The following CNTN5 variants were observed in gnomAD, a reference collection of about 807,000 sequenced individuals.
The protein encoded by CNTN5 is contactin-5.
A neutral mutation model predicts 129.1 loss-of-function variants in CNTN5; 77 were observed. That is an observed-to-expected ratio of 0.60 (90% CI 0.50 to 0.72). The LOEUF is 0.72. Ranked by LOEUF, CNTN5 falls within the 30% of genes least tolerant of loss-of-function variation. The probability of loss-of-function intolerance (pLI) is 0.00; values close to 1 mark genes in which losing one functional copy is unlikely to be tolerated. For missense variants in CNTN5, 1,478 were observed against 1,328.8 expected, an observed-to-expected ratio of 1.11 and a Z score of -1.75; for synonymous variants, 509 against 465.6, an observed-to-expected ratio of 1.09 and a Z score of -1.20.
At chr11:100,106,631 TG>T (rs1945442312) in intron 13 of CNTN5, among the ~76,000 whole-genome samples, 1 of 151,810 alleles carries the variant, frequency 6.6e-6, no homozygotes, top group Admixed American at 6.6e-5. Flanking sequence ...ATTATATAAA[TG>T]AAAAAAATAG....
chr11:99,598,287 T>TCCC (rs1565335421), intron 3 of CNTN5, among the ~76,000 whole-genome samples: 65 of 6,636 alleles, frequency 9.8e-3, no homozygotes, highest in Non-Finnish European at 0.012. Context: ...TTCTTTTCTT[T>TCCC]TCTTTTCTTT....
intron 3 of CNTN5, among the ~76,000 whole-genome samples, chr11:99,740,559 G>T (rs1943856820): frequency 6.6e-6 from 1 of 152,170 alleles, no homozygotes; most frequent in African/African-American, 2.4e-5. Flanking sequence ...CTCCTAGGGA[G>T]ATTTGAATGA....
intron 9 of CNTN5, among the ~76,000 whole-genome samples, chr11:100,053,441 T>G (rs1489539621): frequency 6.6e-6 from 1 of 151,632 alleles, no homozygotes; most frequent in African/African-American, 2.4e-5. Context: ...AAGATTTGAG[T>G]ATGCGAATGG....
chr11:99,241,031 C>A (rs1861522071), intron 1 of CNTN5, among the ~76,000 whole-genome samples: 1 of 152,118 alleles, frequency 6.6e-6, no homozygotes, highest in South Asian at 2.1e-4. Context: ...TAAATACACA[C>A]AATTCGAGAT....
At chr11:99,355,300 A>G (rs1341692802) in intron 2 of CNTN5, among the ~76,000 whole-genome samples, 1 of 152,210 alleles carries the variant, frequency 6.6e-6, no homozygotes, top group Non-Finnish European at 1.5e-5. Flanking sequence ...TTGTTAGCCT[A>G]TAGAACATAT....
chr11:99,595,238 G>A (rs117040053), intron 3 of CNTN5, among the ~76,000 whole-genome samples: 6,013 of 152,074 alleles, frequency 0.04, 148 homozygotes, highest in South Asian at 0.087. Flanking sequence ...AAAGGTAAAC[G>A]TTTAAAGTGA....
chr11:99,578,649 G>A (rs372064034), intron 3 of CNTN5, among the ~76,000 whole-genome samples: 1 of 149,416 alleles, frequency 6.7e-6, no homozygotes. Flanking sequence ...GTCTGTTCAT[G>A]TCCTTCGCCC....
chr11:99,123,527 G>T (rs912047798), intron 1 of CNTN5, among the ~76,000 whole-genome samples: 3 of 151,966 alleles, frequency 2.0e-5, no homozygotes, highest in Non-Finnish European at 4.4e-5. Context: ...CTGTGCAGAA[G>T]CTCTTTAGTT....
At chr11:99,704,135 C>G (rs1432268474) in intron 3 of CNTN5, among the ~76,000 whole-genome samples, 1 of 150,470 alleles carries the variant, frequency 6.6e-6, no homozygotes, top group African/African-American at 2.4e-5. Flanking sequence ...GGTTTTCTGG[C>G]CCCCAGTGAC....
At chr11:99,463,132 T>TAAATA (rs1853797298) in intron 2 of CNTN5, among the ~76,000 whole-genome samples, 1 of 145,316 alleles carries the variant, frequency 6.9e-6, no homozygotes, top group Non-Finnish European at 1.5e-5. Flanking sequence ...AATAAATAAA[T>TAAATA]AAATAAATAA....
chr11:99,037,576 C>CTTTTTTTTTTTTTT (rs1161467398), intron 1 of CNTN5, among the ~76,000 whole-genome samples: 32 of 105,620 alleles, frequency 3.0e-4, no homozygotes, highest in Admixed American at 4.1e-4. Context: ...TTTTTCTTTT[C>CTTTTTTTTTTTTTT]TTTTTTTTTT....
intron 2 of CNTN5, among the ~76,000 whole-genome samples, chr11:99,475,318 GA>G (rs1169317757): frequency 2.6e-5 from 4 of 152,164 alleles, no homozygotes; most frequent in Non-Finnish European, 5.9e-5. Context: ...TCAGATGCCA[GA>G]ACTATGCTCT....
intron 10 of CNTN5, among the ~76,000 whole-genome samples, chr11:100,064,914 AAATG>A (rs992915110): frequency 2.5e-4 from 38 of 152,242 alleles, no homozygotes; most frequent in African/African-American, 8.7e-4. Context: ...GGAGTTCTCA[AAATG>A]GGAAATATTT....
At chr11:99,300,071 TTTTAATAATAG>T (rs749089112) in intron 1 of CNTN5, among the ~76,000 whole-genome samples, 15 of 152,096 alleles carry the variant, frequency 9.9e-5, no homozygotes, top group Non-Finnish European at 1.5e-4. Flanking sequence ...TTTTTTGACT[TTTTAATAATAG>T]TTATTCTGAC....
chr11:100,329,666 C>T (rs940134336), intron 21 of CNTN5, among the ~76,000 whole-genome samples: 4 of 152,204 alleles, frequency 2.6e-5, no homozygotes, highest in African/African-American at 4.8e-5. Context: ...TGCAGACAGC[C>T]TCCAATGCCA....
intron 2 of CNTN5, among the ~76,000 whole-genome samples, chr11:99,434,276 C>T (rs1322209938): frequency 6.6e-6 from 1 of 152,058 alleles, no homozygotes; most frequent in African/African-American, 2.4e-5. Flanking sequence ...TCTGAAAAAA[C>T]AGTAGATAAT....
At chr11:99,249,614 G>A (rs191850581) in intron 1 of CNTN5, among the ~76,000 whole-genome samples, 1 of 151,910 alleles carries the variant, frequency 6.6e-6, no homozygotes, top group African/African-American at 2.4e-5. Flanking sequence ...TTTAAAAAGG[G>A]TATGTTATTT....
intron 9 of CNTN5, among the ~76,000 whole-genome samples, chr11:100,016,073 C>T (rs1010633362): frequency 6.6e-6 from 1 of 152,118 alleles, no homozygotes; most frequent in African/African-American, 2.4e-5. Flanking sequence ...GTCTCTGATG[C>T]TTTTAACAGG....
chr11:100,201,999 G>A (rs550065074), intron 15 of CNTN5, among the ~76,000 whole-genome samples: 2 of 152,086 alleles, frequency 1.3e-5, no homozygotes, highest in South Asian at 4.1e-4. Context: ...CTCACCTGTT[G>A]AATGCCTAAT....
Sources: gnomAD v4.1 joint callset for allele counts (sites outside exome capture counted in the v4.1 genomes callset) on GRCh38, gnomAD v4.1.1 for gene constraint, MANE v1.5 for transcripts, NCBI Gene and HGNC (gene_info 2026-07-23, HGNC 2026-07-21) for gene names.